Variants in ARAP2 observed in about 807,000 individuals in gnomAD.
ARAP2 encodes the protein arf-GAP with Rho-GAP domain, ANK repeat and PH domain-containing protein 2.
ARAP2 carries 148 observed loss-of-function variants against 194.5 expected under a neutral mutation model. The ratio of observed to expected loss-of-function variants is 0.76; its 90% CI spans 0.67 to 0.87. ARAP2 has a LOEUF of 0.87. ARAP2 is among the 40% of genes least tolerant of loss of function. The probability of loss-of-function intolerance (pLI) is 0.00; values close to 1 mark genes in which losing one functional copy is unlikely to be tolerated. For missense variants in ARAP2, 2,128 were observed against 1,989.7 expected (o/e 1.07, Z -1.32); for synonymous variants, 695 against 683.5 (o/e 1.02, Z -0.26).
At chr4:36,213,130 A>C in intron 4 of ARAP2, 113 bp downstream of exon 4, 1 of 836,298 alleles carries the variant, frequency 1.2e-6, no homozygotes, top group Non-Finnish European at 1.9e-6. Flanking sequence ...TGGAAATTTC[A>C]ATCTTCAATA....
At chr4:36,006,270 G>T (rs1277761654) in intron 10 of ARAP2, 3 of 152,150 alleles carry the variant, frequency 2.0e-5, no homozygotes, top group African/African-American at 4.8e-5. Flanking sequence ...CAGAAAAACG[G>T]ACAGCTAAGG....
intron 1 of ARAP2, among the ~76,000 whole-genome samples, chr4:36,059,067 C>T (rs146747079): frequency 1.3e-5 from 2 of 152,052 alleles, no homozygotes; most frequent in African/African-American, 2.4e-5. Context: ...TGCTGAGGAA[C>T]AGTATGCTTA....
intron 27 of ARAP2, among the ~76,000 whole-genome samples, chr4:36,094,138 C>A (rs1405345312): frequency 6.6e-6 from 1 of 152,066 alleles, no homozygotes; most frequent in South Asian, 2.1e-4. Context: ...CAAATCCAAC[C>A]CTCTGCTTAT....
At chr4:36,162,357 G>T (rs1734296899) in intron 11 of ARAP2, among the ~76,000 whole-genome samples, 1 of 152,036 alleles carries the variant, frequency 6.6e-6, no homozygotes, top group Non-Finnish European at 1.5e-5. Flanking sequence ...TTAAAAATCT[G>T]ACATGAATAC....
Position 36,119,668 on chromosome 4 carries a change from G to C in ARAP2, c.3945C>G (p.Thr1315=), listed in dbSNP as rs1309785009. Reference sequence around the variant, plus strand: ...TACTCACTTGGGTGTCTTTCCACTTGGTAATAAAGCTATTTTCTATGTCCA... The same window carrying C: ...TACTCACTTGGGTGTCTTTCCACTTCGTAATAAAGCTATTTTCTATGTCCA... ...KQMDIENSFI[T]KWKDTQVSQA... is the part of the protein sequence containing the mutation. The change falls in exon 24 of 33, where the codon ACC becomes ACG. Residue 1315 remains threonine, a synonymous_variant. Coordinates refer to ENST00000303965, the MANE Select transcript of ARAP2 (RefSeq NM_015230.4). 1 of 1,601,968 alleles carries C rather than the reference G, an allele frequency of 6.2e-7. No homozygotes were observed. Among genetic ancestry groups the C allele is most frequent in the Non-Finnish European group, 8.5e-7 (1 of 1,171,254 alleles).
intron 5 of ARAP2, among the ~76,000 whole-genome samples, chr4:36,031,496 T>C (rs1718946795): frequency 6.6e-6 from 1 of 152,206 alleles, no homozygotes; most frequent in Non-Finnish European, 1.5e-5. Context: ...TAAGTATTTA[T>C]ATTTCAAAAT....
At chr4:36,175,730 T>C (rs1016755104) in intron 9 of ARAP2, among the ~76,000 whole-genome samples, 3 of 152,196 alleles carry the variant, frequency 2.0e-5, no homozygotes, top group African/African-American at 7.2e-5. Context: ...TATCAAAAGA[T>C]GGAGAGGGGT....
At chr4:36,231,683 T>A (rs372923052) in intron 1 of ARAP2, among the ~76,000 whole-genome samples, 1 of 152,144 alleles carries the variant, frequency 6.6e-6, no homozygotes, top group Non-Finnish European at 1.5e-5. Flanking sequence ...AAAAACAATT[T>A]TAATAAAATA....
intron 7 of ARAP2, among the ~76,000 whole-genome samples, chr4:36,192,168 GTTTTTTTTTT>G (rs569144058): frequency 9.9e-6 from 1 of 100,724 alleles, no homozygotes; most frequent in Non-Finnish European, 1.9e-5. Context: ...CAGTGTTTCT[GTTTTTTTTTT>G]TTTTTTTTTT....
At chr4:36,185,092 T>C (rs1192800537) in intron 8 of ARAP2, among the ~76,000 whole-genome samples, 1 of 152,176 alleles carries the variant, frequency 6.6e-6, no homozygotes, top group Non-Finnish European at 1.5e-5. Flanking sequence ...GTGCCACAAC[T>C]ACTCAGTGAT....
intron 8 of ARAP2, among the ~76,000 whole-genome samples, chr4:36,180,283 C>T (rs1048332522): frequency 2.0e-5 from 3 of 150,798 alleles, no homozygotes; most frequent in Non-Finnish European, 4.4e-5. Context: ...CCCGCTCCCC[C>T]GCCAAAAAAA....
At chr4:36,114,857 C>A (rs934038990) in intron 25 of ARAP2, among the ~76,000 whole-genome samples, 1 of 151,960 alleles carries the variant, frequency 6.6e-6, no homozygotes, top group African/African-American at 2.4e-5. Context: ...GTCGGTTCTA[C>A]GAAAGTCCCA....
At position 36,209,369 on chromosome 4, in the gene ARAP2, T is replaced by C. The variant is rs1225308238; in HGVS notation, c.1487+1021A>G. Reference sequence around the variant, plus strand: ...ACCAGAAAGAAGTGACACACATAGCTGATAGTAAGAAGTAATCTGCTTTGG... The same window carrying C: ...ACCAGAAAGAAGTGACACACATAGCCGATAGTAAGAAGTAATCTGCTTTGG... On this transcript the variant is annotated intron_variant, in intron 6 of 32. Transcript: ENST00000303965. The C allele has an allele frequency of 1.3e-5, 6 of 453,190 alleles. No homozygotes were observed. The East Asian group carries it at 4.2e-4, about 32-fold the overall frequency. The allele number at this position is 453,190 out of a possible 1,614,324, so 28.1% of individuals were successfully genotyped here.
intron 5 of ARAP2, among the ~76,000 whole-genome samples, chr4:36,029,683 G>A (rs1356982503): frequency 6.6e-6 from 1 of 151,718 alleles, no homozygotes; most frequent in Admixed American, 6.6e-5. Flanking sequence ...CATGTGTTCT[G>A]TTTTATTTTC....
chr4:36,036,338 G>T (rs1035054576), intron 5 of ARAP2, among the ~76,000 whole-genome samples: 2 of 151,890 alleles, frequency 1.3e-5, no homozygotes, highest in African/African-American at 4.8e-5. Context: ...TCATTAACTT[G>T]GCTCAATAAC....
At chr4:36,072,563 C>A (rs1727244926) in intron 32 of ARAP2, among the ~76,000 whole-genome samples, 1 of 151,774 alleles carries the variant, frequency 6.6e-6, no homozygotes, top group Non-Finnish European at 1.5e-5. Context: ...ATCTGTTCAG[C>A]CTGTGTTCCC....
At chr4:36,127,630 A>C (rs1050193386) in intron 21 of ARAP2, among the ~76,000 whole-genome samples, 9 of 152,020 alleles carry the variant, frequency 5.9e-5, no homozygotes, top group African/African-American at 2.2e-4. Context: ...CCAAATCTTG[A>C]AAGAGATTAA....
At chr4:36,049,872 A>AT (rs1722388471) in intron 3 of ARAP2, among the ~76,000 whole-genome samples, 1 of 152,114 alleles carries the variant, frequency 6.6e-6, no homozygotes. Context: ...ATCTTAAATT[A>AT]TTTTTCACAG....
chr4:36,218,717 T>C lies in ARAP2; in HGVS notation c.906-4237A>G, dbSNP rs118101782. Among the ~76,000 whole-genome samples, 183 of 152,244 alleles carry C rather than the reference T, an allele frequency of 1.2e-3. 4 individuals carry two copies. In the East Asian group the frequency reaches 0.031, roughly 26 times the overall value. On this transcript the variant is annotated intron_variant, in intron 2 of 32. Coordinates refer to ENST00000303965, the MANE Select transcript of ARAP2 (RefSeq NM_015230.4). The stretch of plus-strand genomic sequence containing the variant: ...ACTCTAAAGGAAAGTGCACATAAAT[T>C]TGACTAAATTAAGATGAAGAACTCT...
Sources: gnomAD v4.1 joint callset for allele counts (sites outside exome capture counted in the v4.1 genomes callset) on GRCh38, gnomAD v4.1.1 for gene constraint, MANE v1.5 for transcripts, NCBI Gene and HGNC (gene_info 2026-07-23, HGNC 2026-07-21) for gene names.